The following SDHA variants were observed in gnomAD, a reference collection of about 807,000 sequenced individuals.
SDHA encodes the protein succinate dehydrogenase complex flavoprotein subunit A.
In SDHA, 48 loss-of-function variants were observed where a neutral mutation model predicts 78.4. The observed-to-expected ratio is 0.61, with a 90% CI of 0.49 to 0.78. The LOEUF (loss-of-function observed/expected upper bound fraction) is 0.78, where lower values mean the gene tolerates loss of function less well. Ranked by LOEUF, SDHA falls within the 30% of genes least tolerant of loss-of-function variation. The probability of loss-of-function intolerance (pLI) is 0.00; values close to 1 mark genes in which losing one functional copy is unlikely to be tolerated. For synonymous variants in SDHA, 326 were observed against 353.9 expected, an observed-to-expected ratio of 0.92 and a Z score of 0.88; for missense variants, 680 against 892.7, an observed-to-expected ratio of 0.76 and a Z score of 3.04.
At chr5:266,219 A>G in the SDHA span, among the ~76,000 whole-genome samples, 1 of 152,262 alleles carries the variant, frequency 6.6e-6, no homozygotes, top group African/African-American at 2.4e-5. Flanking sequence ...CCCAACCAGT[A>G]AGAAAGTAAA....
chr5:232,655 T>C (rs1295178757), intron 7 of SDHA, among the ~76,000 whole-genome samples: 2 of 152,224 alleles, frequency 1.3e-5, no homozygotes, highest in Middle Eastern at 3.2e-3. Context: ...AAAAAGAGCA[T>C]TGAAACTTAG....
chr5:247,150 C>T (rs1014355117), intron 11 of SDHA, among the ~76,000 whole-genome samples: 4 of 152,206 alleles, frequency 2.6e-5, no homozygotes, highest in African/African-American at 9.7e-5. Flanking sequence ...TATGCTTCAG[C>T]TCAAAAAGTG....
rs2126589848 is a variant in SDHA at position 236,494 on chromosome 5, T to C, written c.1327T>C (p.Cys443Arg). 4.3e-6 allele frequency: 7 copies of C among 1,613,974 alleles called. No homozygotes were observed. Among genetic ancestry groups the C allele is most frequent in the Non-Finnish European group, 5.9e-6 (7 of 1,179,810 alleles). Residue 443 changes from cysteine (C) to arginine (R), a missense_variant, in exon 10 of 15, where the codon TGT becomes CGT. Physicochemically the swap from Cys to Arg is radical, Grantham distance 180. Coordinates refer to ENST00000264932, the MANE Select transcript of SDHA (RefSeq NM_004168.4). ...CCTGTACGCCTGTGGGGAGGCCGCC[T>C]GTGCCTCGGTACATGGTGCCAACCG... ...PGLYACGEAA[C>R]ASVHGANRLG...
intron 9 of SDHA, 85 bp downstream of exon 9, chr5:235,424 A>C: frequency 7.8e-7 from 1 of 1,285,756 alleles, no homozygotes; most frequent in Non-Finnish European, 1.1e-6. Context: ...TAGATCTTAC[A>C]GGAAAAGATA....
At chr5:267,513 A>G in the SDHA span, among the ~76,000 whole-genome samples, 1 of 152,352 alleles carries the variant, frequency 6.6e-6, no homozygotes, top group South Asian at 2.1e-4. Flanking sequence ...TTTAACAAAT[A>G]CTTGTTGAGG....
rs185912166 is a variant in SDHA at position 228,010 on chromosome 5, C to T, written c.622-175C>T. On this transcript the variant is annotated intron_variant, in intron 5 of 14. Transcript: ENST00000264932. ...GCACACCTGCCTTGTCTGTACTGCT[C>T]GGCGTGGAATGCCTCTCGGGCTCTG... 3.5e-4 allele frequency: 235 copies of T among 667,928 alleles called. 1 individual carries two copies. Among genetic ancestry groups the T allele is most frequent in the East Asian group, 1.7e-3 (59 of 35,416 alleles). The allele number at this position is 667,928 out of a possible 1,614,324, so 41.4% of individuals were successfully genotyped here.
At chr5:225,719 T>C (rs1431159515) in intron 4 of SDHA, 157 bp downstream of exon 4, 2 of 1,330,668 alleles carry the variant, frequency 1.5e-6, no homozygotes, top group African/African-American at 1.5e-5. Context: ...AACTATGCAT[T>C]ATATGTAACA....
chr5:219,285 C>T (rs1345979000), intron 1 of SDHA, among the ~76,000 whole-genome samples: 1 of 150,816 alleles, frequency 6.6e-6, no homozygotes, highest in African/African-American at 2.5e-5. Flanking sequence ...CTCTGAGTGT[C>T]TGAATGTGCC....
chr5:266,747 T>C, the SDHA span, among the ~76,000 whole-genome samples: 1 of 152,174 alleles, frequency 6.6e-6, no homozygotes, highest in Non-Finnish European at 1.5e-5. Flanking sequence ...CACCGTCCCG[T>C]GCAGTAGACA....
intron 13 of SDHA, chr5:252,959 G>C (rs1313454219): frequency 6.6e-6 from 1 of 152,638 alleles, no homozygotes; most frequent in Non-Finnish European, 1.5e-5. Context: ...TAAATAAGGA[G>C]TAAGCCACCA....
chr5:252,037 G>T (rs1280001775), intron 13 of SDHA, among the ~76,000 whole-genome samples: 1 of 100,476 alleles, frequency 1.0e-5, no homozygotes, highest in Non-Finnish European at 1.9e-5. Flanking sequence ...CACCGTTTCA[G>T]ACCTGCCCTG....
intron 1 of SDHA, chr5:220,201 T>C (rs757470553): frequency 5.6e-5 from 22 of 394,516 alleles, no homozygotes; most frequent in Non-Finnish European, 9.9e-5. Flanking sequence ...GACGAACTTA[T>C]CAGACTTATT....
At chr5:231,530 A>T (rs1274954236) in intron 7 of SDHA, among the ~76,000 whole-genome samples, 2 of 150,270 alleles carry the variant, frequency 1.3e-5, no homozygotes, top group African/African-American at 2.5e-5. Flanking sequence ...ACTGCACTCC[A>T]GCCTGGGCAA....
At chr5:257,262 C>T (rs1267658062), downstream of SDHA, among the ~76,000 whole-genome samples, 1 of 152,162 alleles carries the variant, frequency 6.6e-6, no homozygotes, top group Non-Finnish European at 1.5e-5. Flanking sequence ...CAGTCCATGG[C>T]CTGTTAGGAA....
chr5:242,108 G>T (rs1249153041), intron 11 of SDHA, among the ~76,000 whole-genome samples: 1 of 152,166 alleles, frequency 6.6e-6, no homozygotes, highest in Non-Finnish European at 1.5e-5. Context: ...TCCTCTGCTC[G>T]TGGAAATGCG....
intron 9 of SDHA, chr5:235,601 G>A (rs1735726831): frequency 3.9e-6 from 2 of 512,054 alleles, no homozygotes; most frequent in Non-Finnish European, 7.1e-6. Flanking sequence ...ATGATCTTGT[G>A]TTATTTCTAA....
chr5:229,236 G>C (rs1313646215), intron 6 of SDHA, among the ~76,000 whole-genome samples: 1 of 152,186 alleles, frequency 6.6e-6, no homozygotes, highest in Non-Finnish European at 1.5e-5. Context: ...GGACTACTAT[G>C]TGCTCCAGCA....
At chr5:264,937 G>A in the SDHA span, among the ~76,000 whole-genome samples, 1 of 150,782 alleles carries the variant, frequency 6.6e-6, no homozygotes, top group Non-Finnish European at 1.5e-5. Context: ...GCCAGGTGCG[G>A]TGGCTCACAC....
At position 234,445 on chromosome 5, in the gene SDHA, CAG is replaced by C. The variant is rs1363957646; in HGVS notation, c.1065-695_1065-694del. ...AAAAAAAAAAAAAAAAAAAAAAAAA[CAG>C]AGAAGTCAAATGGTTTTTTGGAATA... On this transcript the variant is annotated intron_variant, in intron 8 of 14. Transcript: ENST00000264932. 1.2e-4 allele frequency: 13 copies of C among 108,654 alleles called. 1 individual carries two copies. Among genetic ancestry groups the C allele is most frequent in the African/African-American group, 3.5e-4 (11 of 31,204 alleles). 6.7% of individuals were successfully genotyped at this position (108,654 alleles called of 1,614,324 possible).
Sources: allele counts gnomAD v4.1 joint callset (sites outside exome capture counted in the v4.1 genomes callset), GRCh38; gene constraint gnomAD v4.1.1; transcripts MANE v1.5; gene names NCBI Gene and HGNC (gene_info 2026-07-23, HGNC 2026-07-21).